PSPC1: variants seen among roughly 807,000 people sequenced by gnomAD.
PSPC1 encodes the protein paraspeckle component 1.
PSPC1 carries 14 observed loss-of-function variants against 51.6 expected under a neutral mutation model. The observed-to-expected ratio is 0.27, with a 90% CI of 0.18 to 0.42. The LOEUF (loss-of-function observed/expected upper bound fraction) is 0.42. PSPC1 is among the 10% of genes least tolerant of loss of function. The pLI is 1.00. For missense variants in PSPC1, 406 were observed against 701.1 expected (o/e 0.58, Z 4.75); for synonymous variants, 193 against 231.9 (o/e 0.83, Z 1.53).
At chr13:19,749,962 GCA>G (rs1382489988) in intron 4 of PSPC1, among the ~76,000 whole-genome samples, 1 of 152,102 alleles carries the variant, frequency 6.6e-6, no homozygotes, top group Non-Finnish European at 1.5e-5. Context: ...TGTGGCATCA[GCA>G]CAGTTACTCA....
chr13:19,744,916 C>G (rs1885807660), intron 4 of PSPC1, among the ~76,000 whole-genome samples: 1 of 151,954 alleles, frequency 6.6e-6, no homozygotes, highest in Non-Finnish European at 1.5e-5. Context: ...AGGAATTTTT[C>G]TTAATAAAAT....
downstream of PSPC1, chr13:19,671,782 GAA>G (rs753125327): frequency 1.0e-5 from 16 of 1,573,936 alleles, no homozygotes; most frequent in Non-Finnish European, 1.3e-5. Context: ...TTTCTTGTAA[GAA>G]AGGGGAAATC....
intron 3 of PSPC1, among the ~76,000 whole-genome samples, chr13:19,754,072 T>C (rs1347697649): frequency 6.6e-6 from 1 of 152,004 alleles, no homozygotes; most frequent in Admixed American, 6.6e-5. Context: ...TTTGTGAGCA[T>C]TTTCTTTTTC....
chr13:19,766,865 AAAG>A (rs1160294292), intron 2 of PSPC1, among the ~76,000 whole-genome samples: 2 of 151,428 alleles, frequency 1.3e-5, no homozygotes, highest in African/African-American at 4.8e-5. Flanking sequence ...GAGGAAAAAA[AAAG>A]AAAAAAAAAA....
chr13:19,766,642 C>A (rs1888096901), intron 2 of PSPC1, among the ~76,000 whole-genome samples: 1 of 151,856 alleles, frequency 6.6e-6, no homozygotes, highest in Admixed American at 6.6e-5. Flanking sequence ...CCTATGATCG[C>A]ATTCAGCCTG....
chr13:19,780,372 CG>C (rs1889818539), intron 1 of PSPC1, among the ~76,000 whole-genome samples: 1 of 94,612 alleles, frequency 1.1e-5, no homozygotes, highest in African/African-American at 3.3e-5. Context: ...AATAGAAAGG[CG>C]GGAAAGGTGG....
intron 2 of PSPC1, 89 bp downstream of exon 2, chr13:19,772,153 G>A: frequency 7.3e-7 from 1 of 1,377,110 alleles, no homozygotes; most frequent in South Asian, 1.4e-5. Context: ...CCATATGCTA[G>A]TATGAACTGC....
chr13:19,699,212 T>G (rs1421088890), downstream of PSPC1, among the ~76,000 whole-genome samples: 1 of 151,984 alleles, frequency 6.6e-6, no homozygotes, highest in African/African-American at 2.4e-5. Context: ...AAAATTTTTT[T>G]ATTTTTTGTA....
chr13:19,709,903 G>T (rs975690619), intron 6 of PSPC1, among the ~76,000 whole-genome samples: 6 of 151,520 alleles, frequency 4.0e-5, no homozygotes, highest in Non-Finnish European at 4.4e-5. Context: ...AAAGACACAT[G>T]CCTAGATTCC....
In PSPC1 at chr13:19,772,355, C is replaced by T. The variant is rs1210744672; in HGVS notation, c.561G>A (p.Val187=). The change falls in exon 2 of 9, where the codon GTG becomes GTA. Residue 187 remains valine, a synonymous_variant. Coordinates refer to ENST00000338910, the MANE Select transcript of PSPC1 (RefSeq NM_001354909.2). ...SQFGPVEKAV[V]VVDDRGRATG... ...TAGCTCTACCGCGATCATCCACAAC[C>T]ACAACAGCTTTCTCTACTGGACCAA... The T allele has an allele frequency of 1.2e-6, 2 of 1,614,218 alleles. No homozygotes were observed. The highest frequency in any genetic ancestry group is 1.1e-5 in the South Asian group (1 of 91,086).
intron 6 of PSPC1, among the ~76,000 whole-genome samples, chr13:19,685,423 G>T (rs9315082): frequency 0.97 from 147,020 of 152,348 alleles, 71,193 homozygotes; most frequent in East Asian, 1. Flanking sequence ...ATTTTGATTC[G>T]GCTAATAACT....
chr13:19,696,263 T>C (rs530381014), intron 6 of PSPC1, among the ~76,000 whole-genome samples: 4 of 152,288 alleles, frequency 2.6e-5, no homozygotes, highest in African/African-American at 7.2e-5. Flanking sequence ...CAAATCTCTA[T>C]ACTTATTTCC....
intron 1 of PSPC1, among the ~76,000 whole-genome samples, chr13:19,779,215 CAGCCACCCCATCTGG>C (rs1484387568): frequency 3.4e-5 from 3 of 87,686 alleles, no homozygotes; most frequent in Non-Finnish European, 7.4e-5. Flanking sequence ...CTCCGCCCGG[CAGCCACCCCATCTGG>C]GAAGTGAGGA....
At chr13:19,758,594 A>G (rs1237978593) in intron 3 of PSPC1, among the ~76,000 whole-genome samples, 1 of 152,136 alleles carries the variant, frequency 6.6e-6, no homozygotes, top group Non-Finnish European at 1.5e-5. Context: ...GCACTTTGGG[A>G]GGCCTAGGCG....
At chr13:19,713,387 G>A (rs764441568) in intron 6 of PSPC1, among the ~76,000 whole-genome samples, 5 of 151,732 alleles carry the variant, frequency 3.3e-5, no homozygotes, top group Non-Finnish European at 7.4e-5. Flanking sequence ...TGAAACTGAG[G>A]CACAAAGCTG....
intron 4 of PSPC1, among the ~76,000 whole-genome samples, chr13:19,743,617 T>G (rs866137736): frequency 1.3e-5 from 2 of 152,252 alleles, no homozygotes; most frequent in African/African-American, 4.8e-5. Context: ...CAGACTCAAT[T>G]GGAAAACTTA....
At chr13:19,734,667 T>C (rs1884549595) in intron 5 of PSPC1, among the ~76,000 whole-genome samples, 3 of 152,056 alleles carry the variant, frequency 2.0e-5, no homozygotes, top group African/African-American at 2.4e-5. Flanking sequence ...CCTGGCGTGG[T>C]GGCAGGTGCC....
intron 6 of PSPC1, among the ~76,000 whole-genome samples, chr13:19,692,543 AT>A (rs1418033779): frequency 3.9e-5 from 6 of 152,272 alleles, no homozygotes; most frequent in African/African-American, 1.2e-4. Context: ...GAGATAATAT[AT>A]TTACCAGGCG....
chr13:19,711,349 T>G lies in PSPC1; in HGVS notation c.1159-1750A>C, dbSNP rs944008102. On this transcript the variant is annotated intron_variant, in intron 6 of 8. Coordinates refer to ENST00000338910, the MANE Select transcript of PSPC1 (RefSeq NM_001354909.2). ...AGCCTGGCAAACATGGTGAAACCTG[T>G]CTCTAGGTTGGGCGCGGTGGCTCAC... Among the ~76,000 whole-genome samples the G allele has an allele frequency of 1.3e-5, 2 of 151,870 alleles. 1 individual carries two copies. The highest frequency in any genetic ancestry group is 6.3e-3 in the Middle Eastern group (2 of 316).
Sources: gnomAD v4.1 joint callset for allele counts (sites outside exome capture counted in the v4.1 genomes callset) on GRCh38, gnomAD v4.1.1 for gene constraint, MANE v1.5 for transcripts, NCBI Gene and HGNC (gene_info 2026-07-23, HGNC 2026-07-21) for gene names.